The following GATA3 variants were observed in gnomAD, a reference collection of about 807,000 sequenced individuals.
GATA3 encodes the protein trans-acting T-cell-specific transcription factor GATA-3.
In GATA3, 6 loss-of-function variants were observed where a neutral mutation model predicts 36.0. The observed-to-expected ratio is 0.17, with a 90% CI of 0.09 to 0.33. GATA3 has a LOEUF of 0.33. GATA3 is among the 10% of genes least tolerant of loss of function. GATA3 has a pLI of 1.00. For synonymous variants in GATA3, 326 were observed against 273.0 expected, an observed-to-expected ratio of 1.19 and a Z score of -1.92; for missense variants, 514 against 610.1, an observed-to-expected ratio of 0.84 and a Z score of 1.66.
At chr10:8,051,893 G>A (rs1429813368), upstream of GATA3, among the ~76,000 whole-genome samples, 1 of 152,122 alleles carries the variant, frequency 6.6e-6, no homozygotes, top group Non-Finnish European at 1.5e-5. Context: ...AGCCTCTCCA[G>A]CCTCGCTCCC....
rs1342844809 is a variant in GATA3, at chr10:8,073,964, C to A, written c.1276C>A (p.Pro426Thr). 6.2e-7 allele frequency: 1 copy of A among 1,614,158 alleles called. No homozygotes were observed. Among genetic ancestry groups the A allele is most frequent in the Non-Finnish European group, 8.5e-7 (1 of 1,180,022 alleles). Reference sequence around the variant, plus strand: ...GACCACGCCCACGCCGATGCACCCGCCATCCAGCCTGTCCTTTGGACCACA... The same window carrying A: ...GACCACGCCCACGCCGATGCACCCGACATCCAGCCTGTCCTTTGGACCACA... Reference protein sequence around the residue: ...MLTTPTPMHPPSSLSFGPHHP... With the variant: ...MLTTPTPMHPTSSLSFGPHHP... Residue 426 changes from proline to threonine, a missense_variant, in exon 6 of 6, where the codon CCA becomes ACA. Transcript: ENST00000379328.
intron 3 of GATA3, among the ~76,000 whole-genome samples, chr10:8,060,743 A>G (rs1832733866): frequency 6.6e-6 from 1 of 151,310 alleles, no homozygotes; most frequent in Admixed American, 6.6e-5. Flanking sequence ...CTTTCCTCTC[A>G]TTTCTTTCCA....
At chr10:8,072,400 C>T (rs1832944620) in intron 5 of GATA3, among the ~76,000 whole-genome samples, 2 of 152,206 alleles carry the variant, frequency 1.3e-5, no homozygotes, top group Admixed American at 6.5e-5. Context: ...CTCCTTGAGT[C>T]TGTTTGCCAC....
intron 4 of GATA3, among the ~76,000 whole-genome samples, chr10:8,067,851 AAAAAAC>A (rs1239927442): frequency 6.6e-6 from 1 of 151,900 alleles, no homozygotes; most frequent in African/African-American, 2.4e-5. Flanking sequence ...AACAAAAAAC[AAAAAAC>A]AAAAAACAAA....
intron 3 of GATA3, among the ~76,000 whole-genome samples, chr10:8,061,858 C>T (rs1832754191): frequency 6.6e-6 from 1 of 152,218 alleles, no homozygotes; most frequent in Admixed American, 6.5e-5. Context: ...ACGCTCCCCG[C>T]CTCCAACCAC....
chr10:8,072,793 G>C (rs1263185471), intron 5 of GATA3, among the ~76,000 whole-genome samples: 4 of 152,170 alleles, frequency 2.6e-5, no homozygotes, highest in Non-Finnish European at 4.4e-5. Context: ...TGGAGAGTCA[G>C]AGCTAGGTGG....
intron 3 of GATA3, among the ~76,000 whole-genome samples, chr10:8,060,940 G>A (rs1450911862): frequency 6.6e-6 from 1 of 152,108 alleles, no homozygotes; most frequent in East Asian, 1.9e-4. Context: ...AGCACACCTG[G>A]CAGGGGCGGC....
At chr10:8,060,458 A>G (rs1306928901) in intron 3 of GATA3, among the ~76,000 whole-genome samples, 1 of 151,972 alleles carries the variant, frequency 6.6e-6, no homozygotes, top group East Asian at 1.9e-4. Context: ...TTGACTCAGA[A>G]ACACAGGCTG....
chr10:8,049,358 TGAAGAGA>T (rs1208360376), upstream of GATA3, among the ~76,000 whole-genome samples: 1 of 152,250 alleles, frequency 6.6e-6, no homozygotes, highest in East Asian at 1.9e-4. Flanking sequence ...GGGTTTTGTT[TGAAGAGA>T]GCCAGCCTTG....
At chr10:8,060,023 G>A (rs1041766650) in intron 3 of GATA3, among the ~76,000 whole-genome samples, 6 of 152,136 alleles carry the variant, frequency 3.9e-5, no homozygotes, top group Middle Eastern at 3.2e-3. Context: ...CCTTGAAACC[G>A]AGCTCCCAAA....
intron 3 of GATA3, among the ~76,000 whole-genome samples, chr10:8,060,518 G>A (rs957694212): frequency 7.5e-6 from 1 of 134,114 alleles, no homozygotes; most frequent in Non-Finnish European, 1.6e-5. Flanking sequence ...GGTTGTGATG[G>A]GATTTCTTTT....
At chr10:8,069,261 C>T (rs906557374) in intron 4 of GATA3, among the ~76,000 whole-genome samples, 1 of 152,146 alleles carries the variant, frequency 6.6e-6, no homozygotes, top group Non-Finnish European at 1.5e-5. Context: ...CACGTTACTG[C>T]AATCCTGACA....
chr10:8,051,081 A>G (rs757480024), upstream of GATA3: 7 of 512,296 alleles, frequency 1.4e-5, no homozygotes, highest in Non-Finnish European at 2.7e-5. Context: ...GCTCTGCGCC[A>G]TGGCCTCTGC....
intron 5 of GATA3, among the ~76,000 whole-genome samples, chr10:8,073,169 A>G (rs918844525): frequency 1.5e-4 from 23 of 148,678 alleles, no homozygotes; most frequent in South Asian, 1.3e-3. Context: ...AAAAAAAAAA[A>G]AGATCACCTT....
chr10:8,064,581 T>C (rs1832805489), intron 4 of GATA3, among the ~76,000 whole-genome samples: 2 of 152,216 alleles, frequency 1.3e-5, no homozygotes, highest in South Asian at 4.1e-4. Flanking sequence ...CCTGAAGTTG[T>C]GGCGTGTGGC....
upstream of GATA3, among the ~76,000 whole-genome samples, chr10:8,050,179 G>T (rs565906523): frequency 6.0e-4 from 92 of 152,360 alleles, no homozygotes; most frequent in South Asian, 2.5e-3. Flanking sequence ...CTTCCAGAGC[G>T]CCCCGGTGCG....
At chr10:8,045,738 GCAGGAAA>G (rs1832379550) in intron 1 of GATA3, among the ~76,000 whole-genome samples, 1 of 152,160 alleles carries the variant, frequency 6.6e-6, no homozygotes, top group African/African-American at 2.4e-5. Flanking sequence ...GTCCTCGTTT[GCAGGAAA>G]GAGCTGGTAG....
In GATA3 at chr10:8,055,157, G is replaced by A. The variant is rs966384873; in HGVS notation, c.-369-130G>A. 4.4e-6 allele frequency: 1 copy of A among 226,956 alleles called. No individual in the cohort carries two copies. The highest frequency in any genetic ancestry group is 8.7e-6 in the Non-Finnish European group (1 of 115,552). 14.1% of individuals were successfully genotyped at this position (226,956 alleles called of 1,614,324 possible). On this transcript the variant is annotated intron_variant, in intron 1 of 5. Coordinates refer to ENST00000379328, the MANE Select transcript of GATA3 (RefSeq NM_001002295.2). The surrounding 1 kb of genome is among the most constrained non-coding windows in gnomAD (Gnocchi z 5.4). Reference sequence around the variant, plus strand: ...AGGGACGTCCCCGAGAGCCCTGCGGGCTCCGCGGCCGTGTCCCCGCGCTCC... The same window carrying A: ...AGGGACGTCCCCGAGAGCCCTGCGGACTCCGCGGCCGTGTCCCCGCGCTCC...
At chr10:8,073,701 A>G (rs1375377445) in intron 5 of GATA3, 38 bp from the exon 6 acceptor site, 1 of 1,576,064 alleles carries the variant, frequency 6.3e-7, no homozygotes, top group African/African-American at 1.4e-5. Context: ...AGGCAGCAAA[A>G]AAGTAAAAAA....
Sources: allele counts gnomAD v4.1 joint callset (sites outside exome capture counted in the v4.1 genomes callset), GRCh38; gene constraint gnomAD v4.1.1; non-coding constraint Gnocchi (gnomAD v3.1); transcripts MANE v1.5; gene names NCBI Gene and HGNC (gene_info 2026-07-23, HGNC 2026-07-21).